The following SOBP variants were observed in gnomAD, a reference collection of about 807,000 sequenced individuals.
SOBP encodes sine oculis binding protein homolog, also known as sine oculis-binding protein homolog.
In SOBP, 4 loss-of-function variants were observed where a neutral mutation model predicts 53.6. The observed-to-expected ratio is 0.07, with a 90% CI of 0.04 to 0.17. The LOEUF is 0.17. Ranked by LOEUF, SOBP falls within the 10% of genes least tolerant of loss-of-function variation. The pLI is 1.00. For synonymous variants in SOBP, 584 were observed against 522.6 expected, an observed-to-expected ratio of 1.12 and a Z score of -1.60; for missense variants, 1,088 against 1,204.7, an observed-to-expected ratio of 0.90 and a Z score of 1.43.
chr6:107,543,972 C>G (rs558818981), intron 4 of SOBP, among the ~76,000 whole-genome samples: 1 of 152,144 alleles, frequency 6.6e-6, no homozygotes, highest in African/African-American at 2.4e-5. Context: ...AGCTGTTATT[C>G]CCATTTATAA....
At chr6:107,608,550 T>A (rs1043443850) in intron 5 of SOBP, among the ~76,000 whole-genome samples, 7 of 152,260 alleles carry the variant, frequency 4.6e-5, no homozygotes, top group Non-Finnish European at 8.8e-5. Context: ...ATGGTAAGTT[T>A]AAAAGCTATT....
chr6:107,552,257 A>G (rs1562608437), intron 4 of SOBP, among the ~76,000 whole-genome samples: 1 of 152,166 alleles, frequency 6.6e-6, no homozygotes, highest in Non-Finnish European at 1.5e-5. Context: ...GCAGAGTTAT[A>G]TTTATCACAA....
chr6:107,656,850 T>A (rs917202262), intron 6 of SOBP, among the ~76,000 whole-genome samples: 1 of 152,230 alleles, frequency 6.6e-6, no homozygotes, highest in African/African-American at 2.4e-5. Context: ...TTCTATCACC[T>A]CTCTGAAGTT....
chr6:107,549,513 T>C (rs1307285509), intron 4 of SOBP, among the ~76,000 whole-genome samples: 1 of 151,968 alleles, frequency 6.6e-6, no homozygotes, highest in Non-Finnish European at 1.5e-5. Flanking sequence ...TTAAATGCGA[T>C]GAAAGAAGAA....
chr6:107,628,555 G>A (rs985617419), intron 5 of SOBP, among the ~76,000 whole-genome samples: 7 of 152,204 alleles, frequency 4.6e-5, no homozygotes, highest in Non-Finnish European at 8.8e-5. Context: ...ATGTGGGACA[G>A]GCTGGGGATT....
intron 6 of SOBP, among the ~76,000 whole-genome samples, chr6:107,657,276 C>T (rs752758825): frequency 2.6e-5 from 4 of 152,216 alleles, no homozygotes; most frequent in Non-Finnish European, 5.9e-5. Context: ...CCTCATATCT[C>T]GGTGAATGTT....
At chr6:107,628,168 G>A (rs930149021) in intron 5 of SOBP, among the ~76,000 whole-genome samples, 8 of 152,198 alleles carry the variant, frequency 5.3e-5, no homozygotes, top group Non-Finnish European at 8.8e-5. Context: ...TGGTTCTAAC[G>A]CTCATTTCCA....
intron 5 of SOBP, among the ~76,000 whole-genome samples, chr6:107,608,260 G>A (rs954898684): frequency 6.6e-6 from 1 of 152,130 alleles, no homozygotes; most frequent in Non-Finnish European, 1.5e-5. Flanking sequence ...AATTTGTGTG[G>A]TGTTGTTTCC....
intron 6 of SOBP, among the ~76,000 whole-genome samples, chr6:107,638,771 T>C (rs984465318): frequency 6.6e-6 from 1 of 152,168 alleles, no homozygotes; most frequent in Admixed American, 6.5e-5. Flanking sequence ...GGTGATTCAT[T>C]ATATATTATT....
chr6:107,492,995 T>C (rs1317139277), intron 1 of SOBP, among the ~76,000 whole-genome samples: 1 of 152,004 alleles, frequency 6.6e-6, no homozygotes, highest in Non-Finnish European at 1.5e-5. Flanking sequence ...TAAAAAGTGG[T>C]TTCTCAAAGT....
intron 4 of SOBP, among the ~76,000 whole-genome samples, chr6:107,534,196 T>C (rs1783924732): frequency 6.6e-6 from 1 of 152,194 alleles, no homozygotes. Context: ...AGGAGCGTGG[T>C]GGGTAAACAC....
At chr6:107,523,960 G>C (rs1266333419) in intron 3 of SOBP, among the ~76,000 whole-genome samples, 1 of 152,234 alleles carries the variant, frequency 6.6e-6, no homozygotes, top group African/African-American at 2.4e-5. Context: ...GCACGAAGTT[G>C]AGTAAAGAAA....
chr6:107,504,426 G>C (rs1430457698), intron 2 of SOBP, among the ~76,000 whole-genome samples: 2 of 152,162 alleles, frequency 1.3e-5, no homozygotes, highest in Non-Finnish European at 1.5e-5. Context: ...TGGCAGAGCT[G>C]AATTAACACT....
intron 5 of SOBP, among the ~76,000 whole-genome samples, chr6:107,602,421 A>G (rs1402472857): frequency 1.3e-5 from 2 of 152,142 alleles, no homozygotes; most frequent in Admixed American, 6.5e-5. Flanking sequence ...GCTTCCTTCA[A>G]TCTCCTGATG....
chr6:107,650,443 G>T (rs1436059954), intron 6 of SOBP, among the ~76,000 whole-genome samples: 2 of 152,190 alleles, frequency 1.3e-5, no homozygotes, highest in Non-Finnish European at 2.9e-5. Flanking sequence ...ACCCTGTCAA[G>T]TCTATCAATG....
intron 4 of SOBP, among the ~76,000 whole-genome samples, chr6:107,539,627 T>C (rs1784096902): frequency 6.6e-6 from 1 of 152,234 alleles, no homozygotes; most frequent in African/African-American, 2.4e-5. Flanking sequence ...TTCTGGTGAC[T>C]GCTTCTGCAG....
chr6:107,555,087 A>G (rs1784570721), intron 4 of SOBP, among the ~76,000 whole-genome samples: 1 of 151,786 alleles, frequency 6.6e-6, no homozygotes, highest in Admixed American at 6.6e-5. Context: ...TTTGGAAGTC[A>G]TTTTCCTTCC....
At chr6:107,602,963 C>G (rs753051372) in intron 5 of SOBP, among the ~76,000 whole-genome samples, 2 of 129,400 alleles carry the variant, frequency 1.5e-5, no homozygotes, top group African/African-American at 6.6e-5. Context: ...TTGCCTCCCC[C>G]GTCCCCCACA....
intron 4 of SOBP, chr6:107,558,246 T>A (rs1784670998): frequency 6.6e-6 from 1 of 152,162 alleles, no homozygotes; most frequent in Non-Finnish European, 1.5e-5. Flanking sequence ...TTTGTGTTTC[T>A]ACTATTTTCA....
Sources: gnomAD v4.1 joint callset for allele counts (sites outside exome capture counted in the v4.1 genomes callset) on GRCh38, gnomAD v4.1.1 for gene constraint, MANE v1.5 for transcripts, NCBI Gene and HGNC (gene_info 2026-07-23, HGNC 2026-07-21) for gene names.